The following CYP3A5 variants were observed in gnomAD, a reference collection of about 807,000 sequenced individuals.
CYP3A5 encodes cytochrome P450 family 3 subfamily A member 5, also known as cytochrome P450 3A5.
Under a neutral mutation model 55.9 loss-of-function variants are expected in CYP3A5, and 51 were observed. The ratio of observed to expected loss-of-function variants is 0.91; its 90% confidence interval spans 0.73 to 1.15. The LOEUF (loss-of-function observed/expected upper bound fraction) is 1.15. Among genes scored for constraint, CYP3A5 ranks in the 50% most tolerant of loss-of-function variants. The pLI is 0.00. For synonymous variants in CYP3A5, 196 were observed against 213.9 expected (o/e 0.92, Z 0.73); for missense variants, 533 against 596.6 (o/e 0.89, Z 1.11).
chr7:99,650,321 CT>C lies in CYP3A5; in HGVS notation c.1254-90del, dbSNP rs536673747. On this transcript the variant is annotated intron_variant, in intron 11 of 12. Coordinates refer to ENST00000222982, the MANE Select transcript of CYP3A5 (RefSeq NM_000777.5). The stretch of plus-strand genomic sequence containing the variant: ...GGGTTCTTACTTAAGAACAACCCCC[CT>C]CCACCTCCCAACCAGTAGTACACAG... 71 of 1,204,616 alleles carry C rather than the reference CT, an allele frequency of 5.9e-5. 1 individual carries two copies. The East Asian group carries it at 1.5e-3, about 26-fold the overall frequency. The allele number at this position is 1,204,616 out of a possible 1,614,324, so 74.6% of individuals were successfully genotyped here.
At chr7:99,668,209 G>A (rs991486749) in intron 4 of CYP3A5, among the ~76,000 whole-genome samples, 2 of 152,052 alleles carry the variant, frequency 1.3e-5, no homozygotes, top group Non-Finnish European at 2.9e-5. Flanking sequence ...AAATATTTCT[G>A]GTGTAAATCT....
chr7:99,663,047 TA>T (rs1239860155), intron 8 of CYP3A5, 165 bp from the exon 9 acceptor site: 42 of 1,364,854 alleles, frequency 3.1e-5, no homozygotes, highest in Non-Finnish European at 3.7e-5. Flanking sequence ...AACATTCATC[TA>T]AATCCTTGGA....
At chr7:99,676,455 TGA>T in intron 1 of CYP3A5, 1 of 1,442,276 alleles carries the variant, frequency 6.9e-7, no homozygotes, top group Non-Finnish European at 9.3e-7. Flanking sequence ...AATCCTGGAG[TGA>T]ATACTTGATA....
In CYP3A5 at chr7:99,653,748, C is replaced by A. The variant is rs1468347039; in HGVS notation, c.1027-969G>T. The stretch of plus-strand genomic sequence containing the variant: ...CAGCCCCACAGGCCAGGTCTCTTCA[C>A]ACTAAAAAGAATCCCAGTTTGGGCA... On this transcript the variant is annotated intron_variant, in intron 10 of 12. Transcript: ENST00000222982. The surrounding 1 kb of genome is among the most constrained non-coding windows in gnomAD (Gnocchi z 4.2). 1.3e-5 allele frequency among the ~76,000 whole-genome samples: 2 copies of A among 152,198 alleles called. No homozygotes were observed. The highest frequency in any genetic ancestry group is 4.8e-5 in the African/African-American group (2 of 41,438).
intron 10 of CYP3A5, among the ~76,000 whole-genome samples, chr7:99,657,293 T>C (rs1259473064): frequency 2.6e-5 from 4 of 152,162 alleles, no homozygotes; most frequent in Non-Finnish European, 4.4e-5. Context: ...TCTTTGTTCT[T>C]GTTGGTTTCA....
At chr7:99,672,429 A>G (rs1584467009) in intron 4 of CYP3A5, 151 bp downstream of exon 4, 1 of 655,030 alleles carries the variant, frequency 1.5e-6, no homozygotes, top group East Asian at 2.8e-5. Flanking sequence ...CAAGATTGCA[A>G]GATGTTACCA....
intron 2 of CYP3A5, among the ~76,000 whole-genome samples, chr7:99,675,205 C>A (rs899353373): frequency 6.6e-6 from 1 of 152,216 alleles, no homozygotes; most frequent in Non-Finnish European, 1.5e-5. Flanking sequence ...CACCTCTACA[C>A]ATCACACCCA....
intron 4 of CYP3A5, chr7:99,671,912 C>T: frequency 1.4e-6 from 1 of 695,534 alleles, no homozygotes; most frequent in Non-Finnish European, 2.6e-6. Context: ...GAACTACCCA[C>T]ACACATAAAC....
chr7:99,654,530 T>C (rs1445618082), intron 10 of CYP3A5, among the ~76,000 whole-genome samples: 1 of 152,238 alleles, frequency 6.6e-6, no homozygotes, highest in African/African-American at 2.4e-5. Flanking sequence ...TGAATAGTGC[T>C]GCAATAAACA....
chr7:99,674,556 A>G lies in CYP3A5; in HGVS notation c.195T>C (p.Tyr65=), dbSNP rs1353535744. Residue 65 remains tyrosine (Y), a synonymous_variant, in exon 3 of 13, where the codon TAT becomes TAC. Coordinates refer to ENST00000222982, the MANE Select transcript of CYP3A5 (RefSeq NM_000777.5). ...ACCCCCACATTTTTCCATACTTTTT[A>G]TAGCACTCTGTGTCAAATTTCCAGA... ...QGLWKFDTEC[Y]KKYGKMWGTY... The G allele has an allele frequency of 1.9e-6, 3 of 1,613,804 alleles. No individual in the cohort carries two copies. Among genetic ancestry groups the G allele is most frequent in the South Asian group, 2.2e-5 (2 of 91,034 alleles).
chr7:99,679,985 G>C lies in CYP3A5; in HGVS notation c.-89C>G. 1.8e-6 allele frequency: 2 copies of C among 1,103,572 alleles called. No homozygotes were observed. Among genetic ancestry groups the C allele is most frequent in the Non-Finnish European group, 2.8e-6 (2 of 716,700 alleles). 68.4% of individuals were successfully genotyped at this position (1,103,572 alleles called of 1,614,324 possible). Reference sequence around the variant, plus strand: ...TGGGCTGTTTGCCTGGAGCTTCCCTGCCCTGCACAGCAGTCTTCAGCCAAG... The same window carrying C: ...TGGGCTGTTTGCCTGGAGCTTCCCTCCCCTGCACAGCAGTCTTCAGCCAAG... On this transcript the variant is annotated 5_prime_UTR_variant, in exon 1 of 13. Coordinates refer to ENST00000222982, the MANE Select transcript of CYP3A5 (RefSeq NM_000777.5).
intron 10 of CYP3A5, among the ~76,000 whole-genome samples, chr7:99,657,780 A>G (rs1375105869): frequency 6.6e-6 from 1 of 152,182 alleles, no homozygotes; most frequent in African/African-American, 2.4e-5. Context: ...TATTGGGTGC[A>G]TATATATTTA....
chr7:99,671,775 C>A (rs2151440768), intron 4 of CYP3A5: 1 of 701,958 alleles, frequency 1.4e-6, no homozygotes, highest in East Asian at 2.7e-5. Context: ...TAGAACCTGT[C>A]AGAGAAAAAG....
rs1434103272 is a variant in CYP3A5 at position 99,662,006 on chromosome 7, AT to A, written c.865+809del. On this transcript the variant is annotated intron_variant, in intron 9 of 12. Coordinates refer to ENST00000222982, the MANE Select transcript of CYP3A5 (RefSeq NM_000777.5). The surrounding 1 kb of genome is among the most constrained non-coding windows in gnomAD (Gnocchi z 4.3). ...ATATGAAACAGTGAAATGATAGACT[AT>A]TTTCTTTATCACAGCAAGTTTTGTT... 6.6e-6 allele frequency among the ~76,000 whole-genome samples: 1 copy of A among 152,224 alleles called. No homozygotes were observed. Among genetic ancestry groups the A allele is most frequent in the Non-Finnish European group, 1.5e-5 (1 of 68,036 alleles).
chr7:99,679,435 C>T (rs1193013262), intron 1 of CYP3A5, among the ~76,000 whole-genome samples: 3 of 152,098 alleles, frequency 2.0e-5, no homozygotes, highest in Non-Finnish European at 4.4e-5. Flanking sequence ...AAAATGCAAG[C>T]CACTCCTTCC....
rs1488074166 is a variant in CYP3A5 at position 99,662,416 on chromosome 7, G to A, written c.865+400C>T. ...AAACTTTGCAGTAGATTAACCTTGCGAACACACTTTCAAGTACTGCCAGTT... is the reference window on the plus strand; with the variant it reads ...AAACTTTGCAGTAGATTAACCTTGCAAACACACTTTCAAGTACTGCCAGTT... On this transcript the variant is annotated intron_variant, in intron 9 of 12. Transcript: ENST00000222982. The surrounding 1 kb of genome is among the most constrained non-coding windows in gnomAD (Gnocchi z 4.3). Among the ~76,000 whole-genome samples the A allele has an allele frequency of 5.9e-5, 9 of 152,178 alleles. No individual in the cohort carries two copies. The highest frequency in any genetic ancestry group is 4.8e-5 in the African/African-American group (2 of 41,434).
intron 12 of CYP3A5, 48 bp downstream of exon 12, chr7:99,650,025 C>G: frequency 6.2e-7 from 1 of 1,600,852 alleles, no homozygotes; most frequent in Non-Finnish European, 8.5e-7. Context: ...AAATATATAC[C>G]CTTCAGTTAA....
chr7:99,664,250 G>A (rs753454145), intron 7 of CYP3A5, among the ~76,000 whole-genome samples, 155 bp from the exon 8 acceptor site: 5 of 152,154 alleles, frequency 3.3e-5, no homozygotes, highest in Admixed American at 2.0e-4. Flanking sequence ...CTTTCAGGCC[G>A]GCGACTGAGC....
Position 99,676,108 on chromosome 7 carries a change from A to G in CYP3A5, c.165+7T>C. 1 of 1,612,790 alleles carries G rather than the reference A, an allele frequency of 6.2e-7. No individual in the cohort carries two copies. The highest frequency in any genetic ancestry group is 8.5e-7 in the Non-Finnish European group (1 of 1,179,096). ...AAGAAGCAAAAGAGGAAGCTCAAGC[A>G]ACTCACCTGACGATAGGACAAAACA... On this transcript the variant is annotated splice_region_variant and intron_variant, in intron 2 of 12. Coordinates refer to ENST00000222982, the MANE Select transcript of CYP3A5 (RefSeq NM_000777.5).
Sources: allele counts gnomAD v4.1 joint callset (sites outside exome capture counted in the v4.1 genomes callset), GRCh38; gene constraint gnomAD v4.1.1; non-coding constraint Gnocchi (gnomAD v3.1); transcripts MANE v1.5; gene names NCBI Gene and HGNC (gene_info 2026-07-23, HGNC 2026-07-21).